Variants in FAF1 observed in about 807,000 individuals in gnomAD.
The protein encoded by FAF1 is Fas associated factor 1, also known as FAS-associated factor 1.
FAF1 carries 25 observed loss-of-function variants against 92.5 expected under a neutral mutation model. The observed-to-expected ratio is 0.27, with a 90% confidence interval of 0.20 to 0.38. The LOEUF is 0.38. Among genes scored for constraint, FAF1 ranks in the 10% least tolerant of loss-of-function variants. The pLI, the probability that FAF1 is intolerant of heterozygous loss-of-function variation, is 1.00. For synonymous variants in FAF1, 234 were observed against 273.2 expected, an observed-to-expected ratio of 0.86 and a Z score of 1.42; for missense variants, 636 against 793.3, an observed-to-expected ratio of 0.80 and a Z score of 2.38.
At chr1:50,671,002 G>C (rs945862078) in intron 7 of FAF1, among the ~76,000 whole-genome samples, 2 of 151,878 alleles carry the variant, frequency 1.3e-5, no homozygotes, top group African/African-American at 4.8e-5. Flanking sequence ...AAATTGAAGG[G>C]AGATAGAATA....
chr1:50,937,882 T>C (rs185078979), intron 1 of FAF1, among the ~76,000 whole-genome samples: 1 of 152,328 alleles, frequency 6.6e-6, no homozygotes, highest in East Asian at 1.9e-4. Context: ...AGTGAAAATA[T>C]GAATAAAAAC....
chr1:50,680,029 A>T (rs933323895), intron 7 of FAF1, among the ~76,000 whole-genome samples: 3 of 152,264 alleles, frequency 2.0e-5, no homozygotes, highest in African/African-American at 7.2e-5. Flanking sequence ...TCTATAATAC[A>T]GTAAATGCTT....
chr1:50,661,647 G>A lies in FAF1; in HGVS notation c.658-6119C>T, dbSNP rs77059525. Among the ~76,000 whole-genome samples, 421 of 152,266 alleles carry A rather than the reference G, an allele frequency of 2.8e-3. 4 individuals are homozygous for A. The highest frequency in any genetic ancestry group is 9.6e-3 in the African/African-American group (399 of 41,548). On this transcript the variant is annotated intron_variant, in intron 7 of 18. Transcript: ENST00000396153. ...GTGCATCGCATTATCAGATGTTCTG[G>A]TTAAGAGTTTGTTAAATAACTGCAT...
intron 15 of FAF1, among the ~76,000 whole-genome samples, chr1:50,494,965 T>G (rs1646881717): frequency 6.6e-6 from 1 of 152,174 alleles, no homozygotes; most frequent in African/African-American, 2.4e-5. Context: ...ATTTACTTAT[T>G]TTTAGTTAAA....
At chr1:50,690,871 T>G (rs575605919) in intron 7 of FAF1, among the ~76,000 whole-genome samples, 1 of 152,364 alleles carries the variant, frequency 6.6e-6, no homozygotes, top group Admixed American at 6.5e-5. Flanking sequence ...TCATTTAGCA[T>G]GTTTTTAAGG....
chr1:50,541,849 A>G (rs987006820), intron 13 of FAF1, among the ~76,000 whole-genome samples: 1 of 152,176 alleles, frequency 6.6e-6, no homozygotes, highest in Non-Finnish European at 1.5e-5. Context: ...TTGCCTGGAA[A>G]TTGTGTACTT....
At chr1:50,954,240 T>C (rs998900791) in intron 1 of FAF1, among the ~76,000 whole-genome samples, 5 of 152,304 alleles carry the variant, frequency 3.3e-5, no homozygotes, top group Admixed American at 3.3e-4. Context: ...AATACTTTTC[T>C]AGCAAGGCAG....
At chr1:50,638,082 G>C (rs533153316) in intron 8 of FAF1, among the ~76,000 whole-genome samples, 2 of 152,020 alleles carry the variant, frequency 1.3e-5, no homozygotes, top group African/African-American at 4.8e-5. Context: ...AGTCATATAA[G>C]TTTTCTAAAA....
chr1:50,676,448 T>C (rs1373959524), intron 7 of FAF1, among the ~76,000 whole-genome samples: 2 of 151,850 alleles, frequency 1.3e-5, no homozygotes, highest in Non-Finnish European at 2.9e-5. Flanking sequence ...ACTAATTTAT[T>C]TGCCACTTAT....
chr1:50,485,600 T>G (rs1389547941), intron 17 of FAF1, among the ~76,000 whole-genome samples: 1 of 136,492 alleles, frequency 7.3e-6, no homozygotes, highest in Non-Finnish European at 1.5e-5. Context: ...AGGCAGAGGT[T>G]GCAGTGAGCC....
intron 15 of FAF1, among the ~76,000 whole-genome samples, chr1:50,495,435 C>T (rs1646887040): frequency 6.6e-6 from 1 of 152,184 alleles, no homozygotes; most frequent in South Asian, 2.1e-4. Context: ...TTGCAAATCA[C>T]AGGATCTAAT....
At chr1:50,730,148 A>AT (rs1169132615) in intron 6 of FAF1, among the ~76,000 whole-genome samples, 2 of 152,082 alleles carry the variant, frequency 1.3e-5, no homozygotes, top group East Asian at 1.9e-4. Context: ...AATAATTATC[A>AT]TTTTTTCAGG....
chr1:50,742,015 A>C (rs553428027), intron 5 of FAF1, among the ~76,000 whole-genome samples: 8 of 152,184 alleles, frequency 5.3e-5, no homozygotes, highest in Non-Finnish European at 8.8e-5. Context: ...GTACATAGAA[A>C]TAAGTAACTG....
intron 4 of FAF1, among the ~76,000 whole-genome samples, chr1:50,746,381 A>G (rs1412730737): frequency 7.3e-6 from 1 of 137,462 alleles, no homozygotes; most frequent in Non-Finnish European, 1.5e-5. Context: ...TCTGCTCACC[A>G]CAACCTCTGC....
chr1:50,695,895 C>T (rs996071791), intron 7 of FAF1, among the ~76,000 whole-genome samples: 8 of 150,234 alleles, frequency 5.3e-5, no homozygotes, highest in Non-Finnish European at 8.9e-5. Context: ...GTGATCCATT[C>T]GCCTCGTCCT....
chr1:50,545,763 A>G (rs1463584389), intron 13 of FAF1, among the ~76,000 whole-genome samples: 2 of 152,230 alleles, frequency 1.3e-5, no homozygotes, highest in Non-Finnish European at 2.9e-5. Flanking sequence ...TATAAATCAC[A>G]CATACTCTTA....
chr1:50,959,952 G>A lies in FAF1; in HGVS notation c.-141C>T, dbSNP rs1175770059. ...CGGGCGAGCCGGCGGGCGGGTCGGC[G>A]GGCCAGCGGGCGGGGCAGCGCGGGA... On this transcript the variant is annotated 5_prime_UTR_variant, in exon 1 of 19. Coordinates refer to ENST00000396153, the MANE Select transcript of FAF1 (RefSeq NM_007051.3). The A allele has an allele frequency of 2.5e-5, 10 of 392,312 alleles. No individual in the cohort carries two copies. Among genetic ancestry groups the A allele is most frequent in the Admixed American group, 5.1e-5 (1 of 19,504 alleles). The allele number at this position is 392,312 out of a possible 1,614,324, so 24.3% of individuals were successfully genotyped here.
intron 13 of FAF1, among the ~76,000 whole-genome samples, chr1:50,540,575 G>A (rs1055494692): frequency 6.6e-6 from 1 of 152,124 alleles, no homozygotes; most frequent in Admixed American, 6.6e-5. Flanking sequence ...TTAGCATACT[G>A]AAGTCTAGCA....
At chr1:50,736,288 A>AGATTTCT (rs1283099925) in intron 6 of FAF1, among the ~76,000 whole-genome samples, 4 of 152,248 alleles carry the variant, frequency 2.6e-5, no homozygotes, top group African/African-American at 7.2e-5. Context: ...CAAATTACAA[A>AGATTTCT]TAAGATTTCT....
Sources: allele counts gnomAD v4.1 joint callset (sites outside exome capture counted in the v4.1 genomes callset), GRCh38; gene constraint gnomAD v4.1.1; transcripts MANE v1.5; gene names NCBI Gene and HGNC (gene_info 2026-07-23, HGNC 2026-07-21).